Variants in ATP9B observed in about 807,000 individuals in gnomAD.
ATP9B encodes the protein ATPase phospholipid transporting 9B.
ATP9B carries 110 observed loss-of-function variants against 146.1 expected under a neutral mutation model. The observed-to-expected ratio is 0.75, with a 90% CI of 0.65 to 0.88. The LOEUF (loss-of-function observed/expected upper bound fraction) is 0.88, where lower values mean the gene tolerates loss of function less well. Among genes scored for constraint, ATP9B ranks in the 40% least tolerant of loss-of-function variants. ATP9B has a pLI of 0.00. For missense variants in ATP9B, 1,499 were observed against 1,496.4 expected (o/e 1.00, Z -0.03); for synonymous variants, 604 against 569.7 (o/e 1.06, Z -0.86).
Position 79,083,172 on chromosome 18 carries a change from A to G in ATP9B, c.120-13304A>G, listed in dbSNP as rs528061911. On this transcript the variant is annotated intron_variant, in intron 1 of 29. Transcript: ENST00000426216. ...TGCCAAGGTGTGGTGGGCTCTGCCT[A>G]GGTCAGACTTCCCAGCGGCTTTGTT... Among the ~76,000 whole-genome samples the G allele has an allele frequency of 2.0e-5, 3 of 152,294 alleles. No individual in the cohort carries two copies. In the South Asian group the frequency reaches 6.2e-4, roughly 32 times the overall value.
intron 4 of ATP9B, among the ~76,000 whole-genome samples, chr18:79,122,812 CT>C (rs889813367): frequency 3.3e-5 from 5 of 152,236 alleles, no homozygotes; most frequent in African/African-American, 1.2e-4. Flanking sequence ...CTCTAACAGG[CT>C]TTTTGATAAC....
intron 2 of ATP9B, 76 bp from the exon 3 acceptor site, chr18:79,110,279 T>C: frequency 5.1e-6 from 7 of 1,377,602 alleles, no homozygotes; most frequent in Admixed American, 2.5e-5. Context: ...ATATTGACTC[T>C]AAATATGTAC....
At chr18:79,290,607 A>G (rs1046957067) in intron 13 of ATP9B, among the ~76,000 whole-genome samples, 5 of 152,256 alleles carry the variant, frequency 3.3e-5, no homozygotes, top group Non-Finnish European at 5.9e-5. Flanking sequence ...CTCGCGCAAC[A>G]TGCGCTGCAC....
chr18:79,118,568 T>G (rs1374525522), intron 4 of ATP9B, among the ~76,000 whole-genome samples: 1 of 151,526 alleles, frequency 6.6e-6, no homozygotes, highest in Non-Finnish European at 1.5e-5. Context: ...GCCCTGCTAA[T>G]TTTTTGTATT....
intron 11 of ATP9B, among the ~76,000 whole-genome samples, chr18:79,233,153 G>T (rs999932873): frequency 6.6e-6 from 1 of 151,964 alleles, no homozygotes; most frequent in Non-Finnish European, 1.5e-5. Flanking sequence ...TTAGCCAGGT[G>T]AAGTGGCGCA....
At chr18:79,285,173 C>T (rs2096423949) in intron 13 of ATP9B, among the ~76,000 whole-genome samples, 1 of 151,408 alleles carries the variant, frequency 6.6e-6, no homozygotes, top group African/African-American at 2.4e-5. Flanking sequence ...ATTTCTAGTT[C>T]TAGATCCCTG....
chr18:79,348,941 G>A (rs2147597089), intron 25 of ATP9B, among the ~76,000 whole-genome samples: 1 of 152,374 alleles, frequency 6.6e-6, no homozygotes, highest in Admixed American at 6.5e-5. Context: ...CTAAGATCGT[G>A]CCATTGCACT....
At chr18:79,159,590 C>T (rs1309338370) in intron 7 of ATP9B, among the ~76,000 whole-genome samples, 1 of 152,116 alleles carries the variant, frequency 6.6e-6, no homozygotes, top group Non-Finnish European at 1.5e-5. Context: ...TAGCCATCAA[C>T]CCTCCCCTCA....
intron 2 of ATP9B, among the ~76,000 whole-genome samples, chr18:79,108,286 T>G (rs186493828): frequency 1.2e-4 from 19 of 152,298 alleles, no homozygotes; most frequent in Admixed American, 1.2e-3. Flanking sequence ...CTTACTCTAT[T>G]TTATTTGAAG....
chr18:79,165,234 T>G (rs1428331660), intron 7 of ATP9B, among the ~76,000 whole-genome samples: 1 of 152,236 alleles, frequency 6.6e-6, no homozygotes, highest in Non-Finnish European at 1.5e-5. Context: ...GGTGTTCAGC[T>G]TCTGACTGTC....
intron 12 of ATP9B, among the ~76,000 whole-genome samples, chr18:79,273,559 G>A (rs1232120733): frequency 2.6e-5 from 4 of 152,196 alleles, no homozygotes; most frequent in South Asian, 2.1e-4. Context: ...ACAGAGGAAC[G>A]CATGTGAATT....
At chr18:79,112,672 T>G (rs2093994926) in intron 3 of ATP9B, among the ~76,000 whole-genome samples, 1 of 152,148 alleles carries the variant, frequency 6.6e-6, no homozygotes, top group African/African-American at 2.4e-5. Flanking sequence ...AGGCAGTCTA[T>G]CTCGTGAAGT....
At chr18:79,246,810 G>A (rs2095971744) in intron 11 of ATP9B, among the ~76,000 whole-genome samples, 1 of 152,220 alleles carries the variant, frequency 6.6e-6, no homozygotes, top group Non-Finnish European at 1.5e-5. Flanking sequence ...ACAGACGTGA[G>A]CACCGCAGCG....
chr18:79,305,659 AAATT>A (rs1331330036), intron 14 of ATP9B, among the ~76,000 whole-genome samples: 2 of 152,252 alleles, frequency 1.3e-5, no homozygotes, highest in African/African-American at 2.4e-5. Flanking sequence ...TATTAGGAAA[AAATT>A]AAAAGCAGAA....
At chr18:79,343,017 AAAT>A (rs1422688729) in intron 20 of ATP9B, among the ~76,000 whole-genome samples, 4 of 152,220 alleles carry the variant, frequency 2.6e-5, no homozygotes, top group Admixed American at 2.6e-4. Flanking sequence ...TTCAAACAAA[AAAT>A]AAGAATTTCT....
At chr18:79,302,522 G>C (rs2096597708) in intron 13 of ATP9B, among the ~76,000 whole-genome samples, 2 of 152,232 alleles carry the variant, frequency 1.3e-5, no homozygotes, top group South Asian at 4.1e-4. Flanking sequence ...GAGGGTATTT[G>C]AGCTTCCCTG....
At chr18:79,094,068 G>C (rs1349404068) in intron 1 of ATP9B, among the ~76,000 whole-genome samples, 1 of 152,178 alleles carries the variant, frequency 6.6e-6, no homozygotes, top group African/African-American at 2.4e-5. Flanking sequence ...GCATTGACCT[G>C]GGTAGGTTTA....
chr18:79,079,761 A>G (rs1180954036), intron 1 of ATP9B, among the ~76,000 whole-genome samples: 4 of 152,156 alleles, frequency 2.6e-5, no homozygotes, highest in Non-Finnish European at 4.4e-5. Context: ...GTTTTCTTCT[A>G]GGGTTTTTAT....
chr18:79,110,429 C>T lies in ATP9B; in HGVS notation c.368C>T (p.Pro123Leu). The T allele has an allele frequency of 6.2e-7, 1 of 1,612,508 alleles. No individual in the cohort carries two copies. Among genetic ancestry groups the T allele is most frequent in the Admixed American group, 1.7e-5 (1 of 59,896 alleles). Reference sequence around the variant, plus strand: ...GCTCGCACAGTATGGCTTGGATGTCCTGAAAAGTGTGAAGAAAAACATCCC... The same window carrying T: ...GCTCGCACAGTATGGCTTGGATGTCTTGAAAAGTGTGAAGAAAAACATCCC... The part of the protein sequence containing the change: ...LKARTVWLGC[P>L]EKCEEKHPRN... Residue 123 changes from proline (P) to leucine (L), a missense_variant, in exon 3 of 30, where the codon CCT becomes CTT. Physicochemically the swap from Pro to Leu is moderately conservative, Grantham distance 98. Transcript: ENST00000426216.
Sources: gnomAD v4.1 joint callset for allele counts (sites outside exome capture counted in the v4.1 genomes callset) on GRCh38, gnomAD v4.1.1 for gene constraint, MANE v1.5 for transcripts, NCBI Gene and HGNC (gene_info 2026-07-23, HGNC 2026-07-21) for gene names.